The following AK7 variants were observed in gnomAD, a reference collection of about 807,000 sequenced individuals.
AK7 encodes the protein ATP-AMP transphosphorylase 7.
In AK7, 78 loss-of-function variants were observed where a neutral mutation model predicts 96.6. That is an observed-to-expected ratio of 0.81 (90% CI 0.67 to 0.97). The LOEUF is 0.97. Ranked by LOEUF, AK7 falls within the 50% of genes least tolerant of loss-of-function variation. The probability of loss-of-function intolerance (pLI) is 0.00; values close to 1 mark genes in which losing one functional copy is unlikely to be tolerated. For missense variants in AK7, 855 were observed against 887.9 expected (o/e 0.96, Z 0.47); for synonymous variants, 302 against 317.2 (o/e 0.95, Z 0.51).
intron 6 of AK7, among the ~76,000 whole-genome samples, chr14:96,441,769 C>T (rs915151787): frequency 6.6e-6 from 1 of 151,748 alleles, no homozygotes; most frequent in African/African-American, 2.4e-5. Flanking sequence ...GTTTATTTTC[C>T]TTTCACATTA....
intron 12 of AK7, among the ~76,000 whole-genome samples, chr14:96,463,694 T>C (rs1427244842): frequency 8.1e-6 from 1 of 124,062 alleles, no homozygotes; most frequent in Admixed American, 1.1e-4. Flanking sequence ...CACTCCAGCC[T>C]GGGCGACAGA....
intron 12 of AK7, among the ~76,000 whole-genome samples, chr14:96,467,415 A>G (rs564382782): frequency 6.6e-6 from 1 of 151,590 alleles, no homozygotes; most frequent in Non-Finnish European, 1.5e-5. Flanking sequence ...GGCTCACTGC[A>G]ACCTCTGCTT....
chr14:96,470,957 T>C (rs1359882078), intron 12 of AK7, among the ~76,000 whole-genome samples: 1 of 152,202 alleles, frequency 6.6e-6, no homozygotes. Context: ...ACATCGGCAC[T>C]CGCCCATGCT....
Position 96,450,936 on chromosome 14 carries a change from A to G in AK7, c.949-485A>G, listed in dbSNP as rs575224576. 4.6e-5 allele frequency among the ~76,000 whole-genome samples: 7 copies of G among 151,880 alleles called. No individual in the cohort carries two copies. The South Asian group carries it at 6.3e-4, about 14-fold the overall frequency. On this transcript the variant is annotated intron_variant, in intron 9 of 17. Transcript: ENST00000267584. Reference sequence around the variant, plus strand: ...ACTACGGGCGCCTGCCACCACGCCCAGCTAATTTTTTGTATTTTTAGTAGA... The same window carrying G: ...ACTACGGGCGCCTGCCACCACGCCCGGCTAATTTTTTGTATTTTTAGTAGA...
chr14:96,452,731 T>A (rs1366815654), intron 10 of AK7, among the ~76,000 whole-genome samples: 1 of 152,008 alleles, frequency 6.6e-6, no homozygotes, highest in African/African-American at 2.4e-5. Context: ...GGATCTCGGC[T>A]CACTGCAACC....
intron 5 of AK7, chr14:96,424,034 T>G (rs1006589477): frequency 2.7e-6 from 2 of 750,780 alleles, no homozygotes; most frequent in Non-Finnish European, 4.9e-6. Flanking sequence ...GTGTAGAGTT[T>G]CCCTAAATCA....
intron 5 of AK7, among the ~76,000 whole-genome samples, chr14:96,428,282 AG>A (rs1892148382): frequency 6.6e-6 from 1 of 151,782 alleles, no homozygotes; most frequent in Admixed American, 6.5e-5. Context: ...GTCCCTACAA[AG>A]GACATGAACT....
At chr14:96,443,552 A>C (rs978981142) in intron 7 of AK7, among the ~76,000 whole-genome samples, 1 of 152,144 alleles carries the variant, frequency 6.6e-6, no homozygotes, top group Admixed American at 6.6e-5. Flanking sequence ...CTTACTGGGA[A>C]ATGAAGGAAG....
chr14:96,427,370 C>T (rs1399289453), intron 5 of AK7, among the ~76,000 whole-genome samples: 1 of 152,162 alleles, frequency 6.6e-6, no homozygotes, highest in African/African-American at 2.4e-5. Flanking sequence ...GGGAAGCAGA[C>T]ACATATTACA....
At chr14:96,423,067 GC>G (rs1394369863) in intron 5 of AK7, among the ~76,000 whole-genome samples, 1 of 152,174 alleles carries the variant, frequency 6.6e-6, no homozygotes, top group Non-Finnish European at 1.5e-5. Flanking sequence ...TTCCTGATAA[GC>G]GGTCAGCTAG....
intron 10 of AK7, among the ~76,000 whole-genome samples, chr14:96,452,918 A>G (rs1211665959): frequency 6.6e-6 from 1 of 152,216 alleles, no homozygotes; most frequent in Admixed American, 6.5e-5. Context: ...GCACCTGCGT[A>G]GAGCTTTGGA....
chr14:96,393,845 C>T (rs965331451), intron 1 of AK7, among the ~76,000 whole-genome samples: 8 of 151,874 alleles, frequency 5.3e-5, no homozygotes, highest in Non-Finnish European at 8.8e-5. Context: ...TTAGGGTGGG[C>T]GTGGTGTAAT....
Position 96,482,985 on chromosome 14 carries a change from C to T in AK7, c.1754-14C>T. 2 of 1,611,306 alleles carry T rather than the reference C, an allele frequency of 1.2e-6. No individual in the cohort carries two copies. The highest frequency in any genetic ancestry group is 1.7e-6 in the Non-Finnish European group (2 of 1,178,486). On this transcript the variant is annotated splice_polypyrimidine_tract_variant and intron_variant, in intron 15 of 17. Coordinates refer to ENST00000267584, the MANE Select transcript of AK7 (RefSeq NM_152327.5). The stretch of plus-strand genomic sequence containing the variant: ...AATATAAGTATGTGTTGATCTCTCT[C>T]CTGGTATTTAAAGATGTAGGAAAAC...
At chr14:96,439,663 CAAA>C (rs58424748) in intron 6 of AK7, among the ~76,000 whole-genome samples, 50 of 109,646 alleles carry the variant, frequency 4.6e-4, no homozygotes, top group East Asian at 1.5e-3. Flanking sequence ...GACTCCATCT[CAAA>C]AAAAAAAAAA....
chr14:96,471,512 G>T lies in AK7; in HGVS notation c.1392G>T (p.Met464Ile). 2 of 1,532,924 alleles carry T rather than the reference G, an allele frequency of 1.3e-6. No homozygotes were observed. Among genetic ancestry groups the T allele is most frequent in the Non-Finnish European group, 1.8e-6 (2 of 1,117,348 alleles). The allele number at this position is 1,532,924 out of a possible 1,614,324, so 95.0% of individuals were successfully genotyped here. The change falls in exon 13 of 18, where the codon ATG becomes ATT. Residue 464 changes from methionine to isoleucine, a missense_variant. Met to Ile is a conservative substitution (Grantham distance 10, BLOSUM62 1). Coordinates refer to ENST00000267584, the MANE Select transcript of AK7 (RefSeq NM_152327.5). ...ACGATCAATATATAATTAGATTTAT[G>T]AAAGAAAAGCTAAAATCAATGCCTT... The part of the protein sequence containing the change: ...QLDDQYIIRF[M>I]KEKLKSMPCR...
At chr14:96,430,539 T>C (rs1011276109) in intron 5 of AK7, among the ~76,000 whole-genome samples, 3 of 152,178 alleles carry the variant, frequency 2.0e-5, no homozygotes, top group African/African-American at 7.2e-5. Context: ...GAGATAATCA[T>C]GTGGTTTTTG....
intron 10 of AK7, among the ~76,000 whole-genome samples, chr14:96,455,595 T>G (rs1893852031): frequency 1.3e-5 from 2 of 152,220 alleles, no homozygotes; most frequent in Admixed American, 1.3e-4. Context: ...AATTCTTTGC[T>G]TTGTTACTGT....
chr14:96,444,227 T>A (rs980238991), intron 7 of AK7, among the ~76,000 whole-genome samples: 3 of 152,150 alleles, frequency 2.0e-5, no homozygotes, highest in African/African-American at 7.2e-5. Flanking sequence ...ATCTGCTCCA[T>A]CCCTGGGGAT....
At chr14:96,444,810 T>C (rs980480761) in intron 7 of AK7, among the ~76,000 whole-genome samples, 1 of 151,924 alleles carries the variant, frequency 6.6e-6, no homozygotes, top group African/African-American at 2.4e-5. Context: ...CTCCGCCTCC[T>C]GGGTTCAAGC....
Sources: gnomAD v4.1 joint callset for allele counts (sites outside exome capture counted in the v4.1 genomes callset) on GRCh38, gnomAD v4.1.1 for gene constraint, MANE v1.5 for transcripts, NCBI Gene and HGNC (gene_info 2026-07-23, HGNC 2026-07-21) for gene names.